Variants in TFB1M observed in about 807,000 individuals in gnomAD.
TFB1M encodes dimethyladenosine transferase 1, mitochondrial.
In TFB1M, 27 loss-of-function variants were observed where a neutral mutation model predicts 31.1. That is an observed-to-expected ratio of 0.87 (90% CI 0.64 to 1.20). The LOEUF is 1.20. Among genes scored for constraint, TFB1M ranks in the 50% most tolerant of loss-of-function variants. TFB1M has a pLI of 0.00. For synonymous variants in TFB1M, 166 were observed against 151.8 expected (o/e 1.09, Z -0.69); for missense variants, 394 against 418.7 (o/e 0.94, Z 0.51).
Position 155,311,211 on chromosome 6 carries a change from T to C in TFB1M, c.262A>G (p.Thr88Ala), listed in dbSNP as rs572976550. Reference protein sequence around the residue: ...VAELLVVEKDTRFIPGLQMLS... With the variant: ...VAELLVVEKDARFIPGLQMLS... Reference sequence around the variant, plus strand: ...ACCTGTAATCCAGGAATAAATCGAGTGTCCTTTTCAACCACCAGAAGTTCA... The same window carrying C: ...ACCTGTAATCCAGGAATAAATCGAGCGTCCTTTTCAACCACCAGAAGTTCA... Residue 88 changes from threonine (T) to alanine (A), a missense_variant, in exon 2 of 7, where the codon ACT becomes GCT. By Grantham distance (58) the Thr-to-Ala change is moderately conservative. This residue lies in a region of TFB1M where 273 missense variants were observed against 256.4 expected (regional missense o/e 1.06). Coordinates refer to ENST00000367166, the MANE Select transcript of TFB1M (RefSeq NM_016020.4). The C allele has an allele frequency of 2.4e-5, 39 of 1,613,996 alleles. No homozygotes were observed. In the South Asian group the frequency reaches 3.7e-4, roughly 15 times the overall value.
At chr6:155,235,953 T>C in the TFB1M span, among the ~76,000 whole-genome samples, 3 of 152,182 alleles carry the variant, frequency 2.0e-5, no homozygotes, top group African/African-American at 7.2e-5. Flanking sequence ...ACTTATGATG[T>C]ATTTTATCAG....
chr6:155,266,375 C>A (rs1023719094), intron 5 of TFB1M, among the ~76,000 whole-genome samples: 1 of 152,130 alleles, frequency 6.6e-6, no homozygotes, highest in Non-Finnish European at 1.5e-5. Flanking sequence ...GGGGAACAAT[C>A]CTAGTTGCTT....
At chr6:155,285,317 C>T (rs1265475482) in intron 4 of TFB1M, 40 bp from the exon 5 acceptor site, 2 of 1,611,254 alleles carry the variant, frequency 1.2e-6, no homozygotes, top group Admixed American at 1.7e-5. Context: ...AATAATTAGT[C>T]CAGCCTGATT....
At chr6:155,235,106 G>A in the TFB1M span, among the ~76,000 whole-genome samples, 142 of 152,248 alleles carry the variant, frequency 9.3e-4, no homozygotes, top group African/African-American at 3.2e-3. Context: ...TTAAGGTCTC[G>A]CTGAAGCCTC....
chr6:155,284,855 TAAC>T (rs944541539), intron 5 of TFB1M, among the ~76,000 whole-genome samples: 1 of 152,146 alleles, frequency 6.6e-6, no homozygotes, highest in African/African-American at 2.4e-5. Flanking sequence ...GGTGACCGTG[TAAC>T]TTATCTTCCA....
chr6:155,258,150 T>TA, intron 6 of TFB1M, 68 bp from the exon 7 acceptor site: 1 of 1,576,020 alleles, frequency 6.3e-7, no homozygotes, highest in Non-Finnish European at 8.7e-7. Flanking sequence ...TGACACTTTT[T>TA]AACCCTCATT....
intron 5 of TFB1M, among the ~76,000 whole-genome samples, chr6:155,264,957 G>A (rs1257651422): frequency 6.6e-6 from 1 of 152,160 alleles, no homozygotes; most frequent in African/African-American, 2.4e-5. Context: ...AGCACAAATG[G>A]AACAAGAACT....
chr6:155,255,452 C>T (rs530662648), downstream of TFB1M: 7 of 152,220 alleles, frequency 4.6e-5, no homozygotes, highest in East Asian at 1.3e-3. Context: ...TGTAAAACTT[C>T]GCTTTTTCAT....
At chr6:155,314,236 C>G in intron 1 of TFB1M, 60 bp downstream of exon 1, 1 of 1,599,282 alleles carries the variant, frequency 6.3e-7, no homozygotes, top group South Asian at 1.1e-5. Context: ...GCAAGACCCC[C>G]CGGCCCACGC....
intron 5 of TFB1M, among the ~76,000 whole-genome samples, chr6:155,271,215 T>C (rs1053287151): frequency 2.6e-5 from 4 of 152,184 alleles, no homozygotes; most frequent in Non-Finnish European, 5.9e-5. Flanking sequence ...CTTCTTTCTG[T>C]ATAATGGCTA....
chr6:155,278,736 G>A (rs1004685789), intron 5 of TFB1M, among the ~76,000 whole-genome samples: 6 of 152,114 alleles, frequency 3.9e-5, no homozygotes, highest in African/African-American at 1.4e-4. Flanking sequence ...AAACTACCCG[G>A]GTGCAAGCCC....
At chr6:155,244,251 G>A in the TFB1M span, among the ~76,000 whole-genome samples, 3 of 152,172 alleles carry the variant, frequency 2.0e-5, no homozygotes, top group East Asian at 1.9e-4. Flanking sequence ...CTGTGGCCTC[G>A]GCTGCATGAC....
intron 5 of TFB1M, among the ~76,000 whole-genome samples, chr6:155,263,575 C>T (rs769978722): frequency 1.3e-5 from 2 of 152,114 alleles, no homozygotes; most frequent in African/African-American, 2.4e-5. Flanking sequence ...GTGTCTAGGA[C>T]GTGACTGGTT....
At position 155,285,266 on chromosome 6, in the gene TFB1M, G is replaced by C. The variant is rs1172434952; in HGVS notation, c.558C>G (p.Ala186=). The change falls in exon 5 of 7, where the codon GCC becomes GCG. Residue 186 remains alanine (A), a synonymous_variant. Transcript: ENST00000367166. ...FQKEVAERLA[A]NTGSKQRSRL... ...GACTACGCTGTTTGCTTCCTGTATTGGCTGCAAGTCTCTAGAGAGAGACAA... is the reference window on the plus strand; with the variant it reads ...GACTACGCTGTTTGCTTCCTGTATTCGCTGCAAGTCTCTAGAGAGAGACAA... 1 of 1,613,842 alleles carries C rather than the reference G, an allele frequency of 6.2e-7. No individual in the cohort carries two copies. The highest frequency in any genetic ancestry group is 1.3e-5 in the African/African-American group (1 of 74,924).
intron 2 of TFB1M, among the ~76,000 whole-genome samples, chr6:155,309,371 G>C (rs1287389007): frequency 6.6e-6 from 1 of 152,182 alleles, no homozygotes; most frequent in African/African-American, 2.4e-5. Context: ...TTACATTCCA[G>C]ACAGGTGAGT....
intron 5 of TFB1M, among the ~76,000 whole-genome samples, chr6:155,277,067 A>C (rs1411939709): frequency 6.6e-6 from 1 of 152,264 alleles, no homozygotes; most frequent in Non-Finnish European, 1.5e-5. Context: ...AGGACTCTTA[A>C]AGCATTAAGT....
At position 155,292,345 on chromosome 6, in the gene TFB1M, T is replaced by C. The variant is rs118002874; in HGVS notation, c.546+4608A>G. Among the ~76,000 whole-genome samples the C allele has an allele frequency of 1.4e-3, 214 of 152,070 alleles. 6 individuals are homozygous for C. The East Asian group carries it at 0.027, about 19-fold the overall frequency. ...AGAATGTGAGGCAGAGCTCCTGAGGTAGCAAAAGGGTCCCAAGGGTCCCCC... is the reference window on the plus strand; with the variant it reads ...AGAATGTGAGGCAGAGCTCCTGAGGCAGCAAAAGGGTCCCAAGGGTCCCCC... On this transcript the variant is annotated intron_variant, in intron 4 of 6. Transcript: ENST00000367166.
chr6:155,305,143 T>C (rs1242241614), intron 2 of TFB1M, among the ~76,000 whole-genome samples: 1 of 88,150 alleles, frequency 1.1e-5, no homozygotes, highest in South Asian at 3.0e-4. Context: ...TATATATTTA[T>C]ATATATAAAT....
intron 2 of TFB1M, among the ~76,000 whole-genome samples, chr6:155,303,022 A>G (rs571256696): frequency 6.6e-6 from 1 of 152,356 alleles, no homozygotes; most frequent in East Asian, 1.9e-4. Flanking sequence ...GTAGGGACAT[A>G]GCCAAACCAT....
Sources: allele counts gnomAD v4.1 joint callset (sites outside exome capture counted in the v4.1 genomes callset), GRCh38; gene constraint gnomAD v4.1.1; regional missense constraint gnomAD v4.1.1; transcripts MANE v1.5; gene names NCBI Gene and HGNC (gene_info 2026-07-23, HGNC 2026-07-21).